Variants in COL5A2 observed in about 807,000 individuals in gnomAD.
The protein encoded by COL5A2 is collagen type V alpha 2 chain.
A neutral mutation model predicts 208.2 loss-of-function variants in COL5A2; 23 were observed. The ratio of observed to expected loss-of-function variants is 0.11; its 90% CI spans 0.08 to 0.16. The LOEUF is 0.16. COL5A2 is among the 10% of genes least tolerant of loss of function. The probability of loss-of-function intolerance (pLI) is 1.00; values close to 1 mark genes in which losing one functional copy is unlikely to be tolerated. For missense variants in COL5A2, 1,590 were observed against 1,956.4 expected, an observed-to-expected ratio of 0.81 and a Z score of 3.53; for synonymous variants, 625 against 628.5, an observed-to-expected ratio of 0.99 and a Z score of 0.08.
At chr2:189,254,726 G>A in the COL5A2 span, among the ~76,000 whole-genome samples, 1 of 152,170 alleles carries the variant, frequency 6.6e-6, no homozygotes, top group African/African-American at 2.4e-5. Flanking sequence ...CTGTCACCAG[G>A]GGCCAAAAGA....
the COL5A2 span, among the ~76,000 whole-genome samples, chr2:189,349,646 A>G: frequency 1.3e-5 from 2 of 152,100 alleles, no homozygotes; most frequent in Non-Finnish European, 2.9e-5. Context: ...GTTTTAGGTT[A>G]TGTTGTTTAT....
the COL5A2 span, among the ~76,000 whole-genome samples, chr2:189,254,861 T>C: frequency 6.6e-6 from 1 of 152,182 alleles, no homozygotes; most frequent in African/African-American, 2.4e-5. Flanking sequence ...AAAACTCCTA[T>C]CATTTGAAAG....
chr2:189,110,200 A>G, intron 2 of COL5A2, 25 bp downstream of exon 2: 1 of 1,470,328 alleles, frequency 6.8e-7, no homozygotes, highest in Non-Finnish European at 9.5e-7. Context: ...TGGATCAATT[A>G]TGAGTTGGCC....
At chr2:189,092,998 T>G (rs1452720657) in intron 6 of COL5A2, among the ~76,000 whole-genome samples, 1 of 152,212 alleles carries the variant, frequency 6.6e-6, no homozygotes, top group Non-Finnish European at 1.5e-5. Context: ...TCTTTAATAC[T>G]TTAAAGCCTG....
chr2:189,420,857 C>T, the COL5A2 span, among the ~76,000 whole-genome samples: 1 of 152,060 alleles, frequency 6.6e-6, no homozygotes, highest in South Asian at 2.1e-4. Context: ...CTAAGAACAT[C>T]AATTAAGGAC....
intron 23 of COL5A2, among the ~76,000 whole-genome samples, 200 bp downstream of exon 23, chr2:189,066,190 C>G (rs1403321052): frequency 1.3e-5 from 2 of 152,216 alleles, no homozygotes; most frequent in Non-Finnish European, 2.9e-5. Context: ...TTGGCATAGA[C>G]TAGTGATTTA....
chr2:189,415,070 G>A, the COL5A2 span, among the ~76,000 whole-genome samples: 1 of 152,114 alleles, frequency 6.6e-6, no homozygotes, highest in Non-Finnish European at 1.5e-5. Context: ...TTTCTTTCTA[G>A]TCTCTTAAGT....
At chr2:189,096,807 TG>T (rs1686927452) in intron 6 of COL5A2, among the ~76,000 whole-genome samples, 1 of 152,194 alleles carries the variant, frequency 6.6e-6, no homozygotes, top group African/African-American at 2.4e-5. Context: ...GTAATGGGAT[TG>T]CTGATTTTTA....
the COL5A2 span, among the ~76,000 whole-genome samples, chr2:189,438,400 A>G: frequency 6.6e-6 from 1 of 152,250 alleles, no homozygotes; most frequent in African/African-American, 2.4e-5. Context: ...GTTCACACAT[A>G]AACCTACATA....
chr2:189,244,813 C>T, the COL5A2 span, among the ~76,000 whole-genome samples: 1 of 152,242 alleles, frequency 6.6e-6, no homozygotes, highest in East Asian at 1.9e-4. Flanking sequence ...TGTATTAGTC[C>T]ATTTTCACTC....
the COL5A2 span, among the ~76,000 whole-genome samples, chr2:189,265,951 CA>C: frequency 6.6e-6 from 1 of 152,086 alleles, no homozygotes; most frequent in Non-Finnish European, 1.5e-5. Context: ...CCATATGACC[CA>C]AATATTCCAC....
At position 189,052,200 on chromosome 2, in the gene COL5A2, G is replaced by T; in HGVS notation, c.2741C>A (p.Ala914Glu). 7 of 1,613,748 alleles carry T rather than the reference G, an allele frequency of 4.3e-6. No individual in the cohort carries two copies. Among genetic ancestry groups the T allele is most frequent in the Middle Eastern group, 1.7e-4 (1 of 6,060 alleles). ...PPGATGFPGS[A>E]GRVGPPGPAG... is the part of the protein sequence containing the mutation. ...AGGGCCTGGAGGTCCAACTCTGCCC[G>T]CAGAACCAGGAAATCCTGTAGCACC... Residue 914 changes from alanine to glutamate, a missense_variant, in exon 41 of 54, where the codon GCG becomes GAG. Transcript: ENST00000374866.
chr2:189,061,138 C>T (rs1193286940), intron 30 of COL5A2, among the ~76,000 whole-genome samples: 2 of 151,884 alleles, frequency 1.3e-5, no homozygotes, highest in Non-Finnish European at 2.9e-5. Context: ...GTTTTTTTTA[C>T]AAATTATGAT....
chr2:189,168,214 T>C (rs190260103), intron 1 of COL5A2, among the ~76,000 whole-genome samples: 2,885 of 150,346 alleles, frequency 0.019, 62 homozygotes, highest in Non-Finnish European at 0.025. Context: ...GCTGGGATTA[T>C]AGGCGTGAGC....
At chr2:189,436,031 C>T in the COL5A2 span, among the ~76,000 whole-genome samples, 1 of 152,110 alleles carries the variant, frequency 6.6e-6, no homozygotes, top group Non-Finnish European at 1.5e-5. Flanking sequence ...TTTGTAGGCA[C>T]ATGGATAAAG....
chr2:189,409,164 A>T, the COL5A2 span, among the ~76,000 whole-genome samples: 2 of 151,486 alleles, frequency 1.3e-5, no homozygotes, highest in African/African-American at 4.8e-5. Context: ...ACAGAATTCT[A>T]GAAAAAGCCT....
rs61621835 is a variant in COL5A2 at position 189,047,799 on chromosome 2, T to C, written c.3201+410A>G. Among the ~76,000 whole-genome samples the C allele has an allele frequency of 7.2e-3, 1,092 of 152,334 alleles. 13 individuals are homozygous for C. Among genetic ancestry groups the C allele is most frequent in the African/African-American group, 0.025 (1,044 of 41,580 alleles). On this transcript the variant is annotated intron_variant, in intron 45 of 53. Transcript: ENST00000374866. ...CTAATTTAAAACACATCATGGAATATACAGTGTTTAAAAAGCCACATGGCT... is the reference window on the plus strand; with the variant it reads ...CTAATTTAAAACACATCATGGAATACACAGTGTTTAAAAAGCCACATGGCT...
chr2:189,436,787 T>A, the COL5A2 span, among the ~76,000 whole-genome samples: 4 of 151,932 alleles, frequency 2.6e-5, no homozygotes, highest in South Asian at 8.4e-4. Context: ...CACTTATAAG[T>A]GGGAGGTGGT....
chr2:189,220,954 T>C (rs984186828), intron 1 of COL5A2, among the ~76,000 whole-genome samples: 1 of 152,216 alleles, frequency 6.6e-6, no homozygotes, highest in African/African-American at 2.4e-5. Flanking sequence ...CAGGGTTTTT[T>C]ATCAGTTTTG....
Sources: gnomAD v4.1 joint callset for allele counts (sites outside exome capture counted in the v4.1 genomes callset) on GRCh38, gnomAD v4.1.1 for gene constraint, MANE v1.5 for transcripts, NCBI Gene and HGNC (gene_info 2026-07-23, HGNC 2026-07-21) for gene names.